Variants in PSMD5 observed in about 807,000 individuals in gnomAD.
PSMD5 encodes proteasome 26S subunit, non-ATPase 5.
In PSMD5, 40 loss-of-function variants were observed where a neutral mutation model predicts 52.1. The ratio of observed to expected loss-of-function variants is 0.77; its 90% CI spans 0.60 to 1.00. The LOEUF (loss-of-function observed/expected upper bound fraction) is 1.00, where lower values mean the gene tolerates loss of function less well. Ranked by LOEUF, PSMD5 falls within the 50% of genes least tolerant of loss-of-function variation. The pLI is 0.00. For missense variants in PSMD5, 575 were observed against 605.2 expected (o/e 0.95, Z 0.52); for synonymous variants, 211 against 226.6 (o/e 0.93, Z 0.62).
rs79068835 is a variant in PSMD5, at chr9:120,835,099, A to G, written c.174-1643T>C. ...ATGAACATACTCTTTTAATTCAGGA[A>G]TTTCACTTTGCATAATTGAACCTAA... On this transcript the variant is annotated intron_variant, in intron 1 of 9. Coordinates refer to ENST00000210313, the MANE Select transcript of PSMD5 (RefSeq NM_005047.4). 4.8e-4 allele frequency among the ~76,000 whole-genome samples: 73 copies of G among 152,350 alleles called. No homozygotes were observed. The East Asian group carries it at 0.014, about 29-fold the overall frequency.
intron 4 of PSMD5, among the ~76,000 whole-genome samples, chr9:120,830,618 T>C (rs1038423695): frequency 1.3e-5 from 2 of 152,190 alleles, no homozygotes; most frequent in Non-Finnish European, 2.9e-5. Context: ...GAAAGTGTTC[T>C]GAAGATGGAA....
intron 6 of PSMD5, 76 bp downstream of exon 6, chr9:120,826,689 C>A (rs771015942): frequency 2.0e-6 from 3 of 1,505,880 alleles, no homozygotes; most frequent in Non-Finnish European, 2.7e-6. Flanking sequence ...CACTCCCTAC[C>A]CCAACCCCCT....
chr9:120,821,119 TTCTC>T, intron 8 of PSMD5, 140 bp from the exon 9 acceptor site: 2 of 1,060,554 alleles, frequency 1.9e-6, no homozygotes, highest in Non-Finnish European at 2.6e-6. Flanking sequence ...GGAGGACTCT[TTCTC>T]AAATCCAGCC....
intron 7 of PSMD5, 188 bp downstream of exon 7, chr9:120,824,303 CAAA>C (rs35903891): frequency 0.012 from 5,545 of 445,754 alleles, no homozygotes; most frequent in Non-Finnish European, 0.014. Flanking sequence ...AGTGAAAAGT[CAAA>C]AAAAAAAAAA....
chr9:120,841,590 CAAACAAAACA>C (rs75536119), intron 1 of PSMD5, among the ~76,000 whole-genome samples: 14 of 151,610 alleles, frequency 9.2e-5, no homozygotes, highest in Admixed American at 7.2e-4. Flanking sequence ...AACAAACAAA[CAAACAAAACA>C]AAACAAAACA....
In PSMD5 at chr9:120,817,905, A is replaced by G. The variant is rs1396159520; in HGVS notation, c.*1T>C. The G allele has an allele frequency of 6.2e-7, 1 of 1,610,386 alleles. No individual in the cohort carries two copies. Among genetic ancestry groups the G allele is most frequent in the Non-Finnish European group, 8.5e-7 (1 of 1,177,186 alleles). On this transcript the variant is annotated 3_prime_UTR_variant, in exon 10 of 10. Coordinates refer to ENST00000210313, the MANE Select transcript of PSMD5 (RefSeq NM_005047.4). The stretch of plus-strand genomic sequence containing the variant: ...GTCCTCTACATGAGCTCTAGAAGAA[A>G]TCATTCGGCTCCTTCTACTGCTGTC...
rs111535021 is a variant in PSMD5 at position 120,823,217 on chromosome 9, T to TC, written c.1006+1276_1006+1277insG. On this transcript the variant is annotated intron_variant, in intron 7 of 9. Transcript: ENST00000210313. ...ATAAAAGTATCTTTCTTTCTTTCTT[T>TC]TTTTTTTTTTTTACAGAGTCTCGCA... Among the ~76,000 whole-genome samples the TC allele has an allele frequency of 8.8e-3, 1,331 of 150,860 alleles. 24 individuals carry two copies. Among genetic ancestry groups the TC allele is most frequent in the African/African-American group, 0.031 (1,261 of 41,174 alleles).
In PSMD5 at chr9:120,817,837, A is replaced by G. The variant is rs1448807142; in HGVS notation, c.*69T>C. 2.7e-6 allele frequency: 4 copies of G among 1,465,288 alleles called. No homozygotes were observed. In the Admixed American group the frequency reaches 8.5e-5, roughly 31 times the overall value. 90.8% of individuals were successfully genotyped at this position (1,465,288 alleles called of 1,614,324 possible). A position where few individuals can be genotyped will look rare whatever the true frequency, so the allele number is the denominator to read the frequency against. On this transcript the variant is annotated 3_prime_UTR_variant, in exon 10 of 10. Transcript: ENST00000210313. Reference sequence around the variant, plus strand: ...AAAGGAAGTCTCTTTTGTGAAATATAGATGGAGTCAAATGCCTTAGGAGAA... The same window carrying G: ...AAAGGAAGTCTCTTTTGTGAAATATGGATGGAGTCAAATGCCTTAGGAGAA...
At chr9:120,832,236 T>G (rs1182079999) in intron 2 of PSMD5, among the ~76,000 whole-genome samples, 2 of 152,156 alleles carry the variant, frequency 1.3e-5, no homozygotes, top group African/African-American at 4.8e-5. Flanking sequence ...CTTGCACAAA[T>G]TTTAGCCCCA....
At chr9:120,824,252 A>C in intron 7 of PSMD5, 1 of 526,746 alleles carries the variant, frequency 1.9e-6, no homozygotes, top group Non-Finnish European at 3.4e-6. Flanking sequence ...TGTTTGGTTG[A>C]AATCGATTGG....
chr9:120,818,595 C>A (rs1053913514), intron 9 of PSMD5, among the ~76,000 whole-genome samples: 14 of 151,874 alleles, frequency 9.2e-5, no homozygotes, highest in African/African-American at 3.1e-4. Flanking sequence ...TCATATAGTG[C>A]ACAAACATTT....
intron 7 of PSMD5, among the ~76,000 whole-genome samples, chr9:120,822,239 C>G (rs1379010770): frequency 2.0e-5 from 3 of 152,110 alleles, no homozygotes; most frequent in African/African-American, 7.2e-5. Context: ...AGCATGTAGT[C>G]AGAGAACCAG....
intron 9 of PSMD5, 44 bp from the exon 10 acceptor site, chr9:120,818,207 T>C (rs1296466325): frequency 5.7e-6 from 9 of 1,565,822 alleles, no homozygotes; most frequent in Non-Finnish European, 6.9e-6. Context: ...TGAGTGGAAG[T>C]TGTTTGTTAA....
intron 2 of PSMD5, 53 bp from the exon 3 acceptor site, chr9:120,831,998 A>C (rs2045164789): frequency 6.3e-7 from 1 of 1,578,090 alleles, no homozygotes; most frequent in South Asian, 1.2e-5. Context: ...ACATACGGTA[A>C]ACACACGATG....
chr9:120,835,582 G>A (rs1418717273), intron 1 of PSMD5, among the ~76,000 whole-genome samples: 1 of 152,060 alleles, frequency 6.6e-6, no homozygotes, highest in Non-Finnish European at 1.5e-5. Context: ...AAAAAAATTA[G>A]CTGGGTGTGG....
chr9:120,842,268 A>G (rs1191904879), intron 1 of PSMD5: 1 of 156,624 alleles, frequency 6.4e-6, no homozygotes, highest in East Asian at 1.9e-4. Flanking sequence ...AGAACAAAGT[A>G]ACTGCACATT....
chr9:120,840,205 A>G (rs2045225209), intron 1 of PSMD5, among the ~76,000 whole-genome samples: 2 of 149,534 alleles, frequency 1.3e-5, no homozygotes, highest in Admixed American at 1.3e-4. Context: ...GCTCACTGCA[A>G]CCTCTGCCTC....
Position 120,821,355 on chromosome 9 carries a change from TG to T in PSMD5, c.1115del (p.Pro372HisfsTer10). 6.5e-7 allele frequency: 1 copy of T among 1,526,992 alleles called. No homozygotes were observed. Among genetic ancestry groups the T allele is most frequent in the Non-Finnish European group, 8.9e-7 (1 of 1,120,512 alleles). The allele number at this position is 1,526,992 out of a possible 1,614,324, so 94.6% of individuals were successfully genotyped here. The part of the protein sequence containing the change: ...LDAISSLLYL[P>X]PEQQTDDLLR... ...CTTCATTATTTCCCTACCTACTTAC[TG>T]GTAAGTACAGAAGAGATGAAATTGC... On this transcript the variant is annotated frameshift_variant and splice_region_variant, in exon 8 of 10. Transcript: ENST00000210313. LOFTEE classifies it high-confidence loss of function.
intron 1 of PSMD5, among the ~76,000 whole-genome samples, chr9:120,834,341 T>C (rs2045184284): frequency 6.6e-6 from 1 of 151,994 alleles, no homozygotes; most frequent in African/African-American, 2.4e-5. Context: ...AAAAGGCAAC[T>C]GTAATCCAGA....
Sources: allele counts gnomAD v4.1 joint callset (sites outside exome capture counted in the v4.1 genomes callset), GRCh38; gene constraint gnomAD v4.1.1; transcripts MANE v1.5; gene names NCBI Gene and HGNC (gene_info 2026-07-23, HGNC 2026-07-21).